Variants in NKAIN2 observed in about 807,000 individuals in gnomAD.
NKAIN2 encodes the protein sodium/potassium transporting ATPase interacting 2.
A neutral mutation model predicts 32.6 loss-of-function variants in NKAIN2; 14 were observed. That is an observed-to-expected ratio of 0.43 (90% CI 0.28 to 0.67). The LOEUF (loss-of-function observed/expected upper bound fraction) is 0.67, where lower values mean the gene tolerates loss of function less well. Ranked by LOEUF, NKAIN2 falls within the 30% of genes least tolerant of loss-of-function variation. NKAIN2 has a pLI of 0.17. For synonymous variants in NKAIN2, 80 were observed against 87.2 expected, an observed-to-expected ratio of 0.92 and a Z score of 0.46; for missense variants, 198 against 258.3, an observed-to-expected ratio of 0.77 and a Z score of 1.60.
At position 123,823,282 on chromosome 6, in the gene NKAIN2, C is replaced by T. The variant is rs1364181483; in HGVS notation, c.54+19028C>T. 2.6e-5 allele frequency: 4 copies of T among 152,310 alleles called. No homozygotes were observed. The East Asian group carries it at 5.8e-4, about 22-fold the overall frequency. 9.4% of individuals were successfully genotyped at this position (152,310 alleles called of 1,614,324 possible). A position where few individuals can be genotyped will look rare whatever the true frequency, so the allele number is the denominator to read the frequency against. On this transcript the variant is annotated intron_variant, in intron 1 of 6. Transcript: ENST00000368417. ...CAAAGAATTGGAAACTTAGTGCTGG[C>T]TTCTATCATTGTGGTAAGAGTGAAA...
intron 4 of NKAIN2, among the ~76,000 whole-genome samples, chr6:124,739,489 T>C (rs1777103092): frequency 6.6e-6 from 1 of 151,848 alleles, no homozygotes; most frequent in Non-Finnish European, 1.5e-5. Context: ...CAGAAACTAT[T>C]ATCTTCTAAC....
At chr6:124,624,991 C>A (rs1011236641) in intron 3 of NKAIN2, among the ~76,000 whole-genome samples, 3 of 152,218 alleles carry the variant, frequency 2.0e-5, no homozygotes, top group East Asian at 1.9e-4. Flanking sequence ...AGCTTTCCTG[C>A]ATTTATTTAG....
intron 4 of NKAIN2, among the ~76,000 whole-genome samples, chr6:124,659,849 G>C (rs531086998): frequency 1.1e-4 from 17 of 152,116 alleles, no homozygotes; most frequent in African/African-American, 4.1e-4. Flanking sequence ...TGTTTATTTG[G>C]AAATCAGCAT....
At chr6:124,223,810 C>A (rs1275402306) in intron 1 of NKAIN2, among the ~76,000 whole-genome samples, 3 of 152,152 alleles carry the variant, frequency 2.0e-5, no homozygotes, top group Non-Finnish European at 4.4e-5. Context: ...CATCTGCCTA[C>A]TTGAGATAGT....
intron 3 of NKAIN2, among the ~76,000 whole-genome samples, chr6:124,461,443 A>G (rs1209769035): frequency 6.6e-6 from 1 of 151,762 alleles, no homozygotes; most frequent in Non-Finnish European, 1.5e-5. Context: ...AGTTGTTAAT[A>G]TTAGACTGTT....
intron 1 of NKAIN2, among the ~76,000 whole-genome samples, chr6:124,137,948 T>G (rs1031379489): frequency 6.6e-6 from 1 of 152,058 alleles, no homozygotes; most frequent in Non-Finnish European, 1.5e-5. Flanking sequence ...GTAAGCATTG[T>G]CTTAGGCAGA....
chr6:124,557,545 T>G (rs1232891129), intron 3 of NKAIN2, among the ~76,000 whole-genome samples: 1 of 152,166 alleles, frequency 6.6e-6, no homozygotes, highest in Admixed American at 6.6e-5. Context: ...TTTAACAAAT[T>G]AGTACTGTCC....
chr6:123,862,083 A>G (rs975046360), intron 1 of NKAIN2, among the ~76,000 whole-genome samples: 26 of 152,200 alleles, frequency 1.7e-4, no homozygotes, highest in African/African-American at 6.3e-4. Flanking sequence ...TTCAATCTAG[A>G]TTCCAGCTTT....
chr6:124,727,348 CA>C (rs1776381291), intron 4 of NKAIN2, among the ~76,000 whole-genome samples: 3 of 152,184 alleles, frequency 2.0e-5, no homozygotes, highest in African/African-American at 7.2e-5. Context: ...ATCAGACTAA[CA>C]GTGGATCTCT....
intron 1 of NKAIN2, among the ~76,000 whole-genome samples, chr6:124,151,301 C>T (rs748480972): frequency 6.6e-6 from 1 of 151,880 alleles, no homozygotes; most frequent in Non-Finnish European, 1.5e-5. Flanking sequence ...TAATGATGAA[C>T]ACAAATCAGA....
chr6:123,910,548 GGCTGGAGTATAGTGGCTCAATCTCA>G (rs1775127328), intron 1 of NKAIN2, among the ~76,000 whole-genome samples: 1 of 121,166 alleles, frequency 8.3e-6, no homozygotes, highest in Middle Eastern at 6.3e-3. Context: ...TCTTTCACCA[GGCTGGAGTATAGTGGCTCAATCTCA>G]GCTCATTGCA....
intron 3 of NKAIN2, among the ~76,000 whole-genome samples, chr6:124,365,057 G>A (rs925451896): frequency 2.6e-5 from 4 of 151,744 alleles, no homozygotes; most frequent in Admixed American, 1.3e-4. Context: ...TAAAAACTAA[G>A]TATAGGTGAA....
intron 2 of NKAIN2, among the ~76,000 whole-genome samples, chr6:124,320,261 C>A (rs535507725): frequency 6.6e-6 from 1 of 152,242 alleles, no homozygotes; most frequent in African/African-American, 2.4e-5. Flanking sequence ...AATTTCCACC[C>A]AAAATGGCAT....
chr6:124,203,428 G>A (rs1790687337), intron 1 of NKAIN2, among the ~76,000 whole-genome samples: 1 of 151,808 alleles, frequency 6.6e-6, no homozygotes, highest in Admixed American at 6.6e-5. Context: ...TACTGCCTGT[G>A]CTTAGTTGTG....
At position 124,824,709 on chromosome 6, in the gene NKAIN2, C is replaced by G. The variant is rs1359971500; in HGVS notation, c.*1480C>G. On this transcript the variant is annotated 3_prime_UTR_variant, in exon 7 of 7. Coordinates refer to ENST00000368417, the MANE Select transcript of NKAIN2 (RefSeq NM_001040214.3). ...ACTCAATTTTTTAAAACTAACACAC[C>G]ATTCTTTAGTGCAGTGAAATTCAAA... 6.6e-6 allele frequency: 1 copy of G among 152,052 alleles called. No individual in the cohort carries two copies. The highest frequency in any genetic ancestry group is 1.5e-5 in the Non-Finnish European group (1 of 67,998). The allele number at this position is 152,052 out of a possible 1,614,324, so 9.4% of individuals were successfully genotyped here.
At chr6:123,822,030 T>G (rs1773945353) in intron 1 of NKAIN2, among the ~76,000 whole-genome samples, 1 of 152,186 alleles carries the variant, frequency 6.6e-6, no homozygotes, top group Non-Finnish European at 1.5e-5. Context: ...TCACTTAACA[T>G]AAATTAACTC....
intron 3 of NKAIN2, among the ~76,000 whole-genome samples, chr6:124,359,919 T>A (rs1583121096): frequency 6.6e-6 from 1 of 152,200 alleles, no homozygotes; most frequent in East Asian, 1.9e-4. Context: ...TTGTCATAGA[T>A]AACTCTTATT....
At chr6:124,539,875 T>C (rs1779848578) in intron 3 of NKAIN2, among the ~76,000 whole-genome samples, 1 of 152,052 alleles carries the variant, frequency 6.6e-6, no homozygotes, top group South Asian at 2.1e-4. Context: ...TGTATGCCGC[T>C]ATGCCCAGCT....
At chr6:124,489,916 C>T (rs1222219120) in intron 3 of NKAIN2, among the ~76,000 whole-genome samples, 1 of 151,776 alleles carries the variant, frequency 6.6e-6, no homozygotes, top group Non-Finnish European at 1.5e-5. Context: ...ATGACCTGAT[C>T]GTCATTGCAT....
Sources: gnomAD v4.1 joint callset for allele counts (sites outside exome capture counted in the v4.1 genomes callset) on GRCh38, gnomAD v4.1.1 for gene constraint, MANE v1.5 for transcripts, NCBI Gene and HGNC (gene_info 2026-07-23, HGNC 2026-07-21) for gene names.